TEKT5: variants seen among roughly 807,000 people sequenced by gnomAD.
TEKT5 encodes the protein tektin-5.
Under a neutral mutation model 48.7 loss-of-function variants are expected in TEKT5, and 52 were observed. That is an observed-to-expected ratio of 1.07 (90% CI 0.86 to 1.35). The LOEUF is 1.35. Among genes scored for constraint, TEKT5 ranks in the 40% most tolerant of loss-of-function variants. The pLI, the probability that TEKT5 is intolerant of heterozygous loss-of-function variation, is 0.00. For missense variants in TEKT5, 831 were observed against 641.6 expected, an observed-to-expected ratio of 1.30 and a Z score of -3.19; for synonymous variants, 318 against 267.6, an observed-to-expected ratio of 1.19 and a Z score of -1.84.
At chr16:10,679,184 A>C (rs538053516) in intron 4 of TEKT5, among the ~76,000 whole-genome samples, 2 of 152,258 alleles carry the variant, frequency 1.3e-5, no homozygotes, top group African/African-American at 4.8e-5. Flanking sequence ...AAAAATGTTT[A>C]TTATTCATGA....
At chr16:10,633,511 C>A (rs1181786420) in intron 6 of TEKT5, among the ~76,000 whole-genome samples, 1 of 152,122 alleles carries the variant, frequency 6.6e-6, no homozygotes, top group African/African-American at 2.4e-5. Flanking sequence ...AGGACCTAGA[C>A]CCTATCCATC....
At chr16:10,655,446 G>T (rs187902478) in intron 5 of TEKT5, among the ~76,000 whole-genome samples, 12 of 152,136 alleles carry the variant, frequency 7.9e-5, no homozygotes, top group African/African-American at 2.9e-4. Flanking sequence ...TATTTTTAAG[G>T]CCTGCCATAT....
intron 4 of TEKT5, among the ~76,000 whole-genome samples, chr16:10,679,350 G>C (rs754437991): frequency 3.3e-5 from 5 of 151,382 alleles, no homozygotes; most frequent in Non-Finnish European, 7.4e-5. Flanking sequence ...CCAGCTACTC[G>C]GGAGGCTGAG....
chr16:10,638,776 T>C (rs1055902215), intron 5 of TEKT5, among the ~76,000 whole-genome samples: 3 of 152,164 alleles, frequency 2.0e-5, no homozygotes, highest in Non-Finnish European at 4.4e-5. Context: ...CCATAATTAA[T>C]GAAGAGGATA....
chr16:10,649,006 A>T (rs1898112634), intron 5 of TEKT5, among the ~76,000 whole-genome samples: 1 of 151,208 alleles, frequency 6.6e-6, no homozygotes. Flanking sequence ...CTGGAGTGCA[A>T]TGGCATGATC....
Position 10,689,237 on chromosome 16 carries a change from A to C in TEKT5, c.719+16T>G. On this transcript the variant is annotated intron_variant, in intron 3 of 6. Coordinates refer to ENST00000283025, the MANE Select transcript of TEKT5 (RefSeq NM_144674.2). ...AACCCCAAGGAGAGGGAATTAAAAA[A>C]AAAAAAAGCCCTTACCGCATCTGGA... 6.3e-7 allele frequency: 1 copy of C among 1,587,742 alleles called. No homozygotes were observed. The highest frequency in any genetic ancestry group is 8.5e-7 in the Non-Finnish European group (1 of 1,172,680).
chr16:10,627,847 T>A, intron 6 of TEKT5, 48 bp from the exon 7 acceptor site: 2 of 1,547,934 alleles, frequency 1.3e-6, no homozygotes, highest in Non-Finnish European at 1.8e-6. Flanking sequence ...TTTATTTTTA[T>A]TTGTTTATTT....
chr16:10,651,742 C>G (rs1898163308), intron 5 of TEKT5, among the ~76,000 whole-genome samples: 1 of 152,070 alleles, frequency 6.6e-6, no homozygotes, highest in Non-Finnish European at 1.5e-5. Context: ...GGAGGATCAC[C>G]TGAGATCAGG....
chr16:10,664,192 G>T (rs149575057), intron 5 of TEKT5, among the ~76,000 whole-genome samples: 2 of 152,256 alleles, frequency 1.3e-5, no homozygotes, highest in East Asian at 3.9e-4. Context: ...CAGAGATCTT[G>T]TCTGTTGTTC....
chr16:10,694,815 C>CCA lies in TEKT5; in HGVS notation c.57_58dup (p.Gly20ValfsTer3). 1.9e-6 allele frequency: 3 copies of CCA among 1,607,546 alleles called. No individual in the cohort carries two copies. The highest frequency in any genetic ancestry group is 2.5e-6 in the Non-Finnish European group (3 of 1,177,056). The stretch of plus-strand genomic sequence containing the variant: ...CTGTACAGCTGGCAGTGAGGTCAAG[C>CCA]CACAGCATTTCTTGGGACCACAGTA... On this transcript the variant is annotated frameshift_variant, in exon 1 of 7. Transcript: ENST00000283025. LOFTEE classifies it high-confidence loss of function.
chr16:10,665,370 G>A (rs1308106735), intron 5 of TEKT5, among the ~76,000 whole-genome samples: 1 of 152,196 alleles, frequency 6.6e-6, no homozygotes, highest in African/African-American at 2.4e-5. Flanking sequence ...GCATATGATT[G>A]GCTGTCACCA....
intron 5 of TEKT5, among the ~76,000 whole-genome samples, chr16:10,655,601 C>G (rs985924638): frequency 1.3e-5 from 2 of 152,322 alleles, no homozygotes; most frequent in East Asian, 3.9e-4. Context: ...TCCAGGCTCC[C>G]TTGTAGCTCC....
intron 5 of TEKT5, among the ~76,000 whole-genome samples, chr16:10,655,283 C>T (rs760527900): frequency 7.9e-5 from 12 of 152,258 alleles, no homozygotes; most frequent in South Asian, 4.1e-4. Flanking sequence ...CCAGTCTAAA[C>T]GGAGGGAGTG....
At chr16:10,687,690 T>G (rs746077633) in intron 3 of TEKT5, among the ~76,000 whole-genome samples, 112 of 152,326 alleles carry the variant, frequency 7.4e-4, no homozygotes, top group Middle Eastern at 3.4e-3. Flanking sequence ...GAGGTGGAGG[T>G]TGCAGTGAGC....
rs750682811 is a variant in TEKT5 at position 10,676,142 on chromosome 16, G to A, written c.903C>T (p.Asp301=). 5.6e-6 allele frequency: 9 copies of A among 1,614,118 alleles called. No homozygotes were observed. In the South Asian group the frequency reaches 6.6e-5, roughly 12 times the overall value. The change falls in exon 5 of 7, where the codon GAC becomes GAT. Residue 301 remains aspartate, a synonymous_variant. Transcript: ENST00000283025. ...VPETWAKFSN[D]NIKHSQNMRA... ...GCATGTTCTGAGAGTGTTTGATGTTGTCGTTACTGAACTTGGCCCAGGTCT... is the reference window on the plus strand; with the variant it reads ...GCATGTTCTGAGAGTGTTTGATGTTATCGTTACTGAACTTGGCCCAGGTCT...
Position 10,627,779 on chromosome 16 carries a change from G to C in TEKT5, c.1262C>G (p.Thr421Ser). The change falls in exon 7 of 7, where the codon ACC (threonine) becomes AGC (serine). Residue 421 changes from threonine (T) to serine (S), a missense_variant. Physicochemically the swap from Thr to Ser is moderately conservative, Grantham distance 58 (BLOSUM62 1). Transcript: ENST00000283025. The part of the protein sequence containing the change: ...PQLKLVNEVF[T>S]IDDTLQTLKL... ...GAGGGTCTGCAGGGTGTCGTCGATG[G>C]TGAACACCTCGTTCACCAGCCTGGG... The C allele has an allele frequency of 1.9e-6, 3 of 1,614,166 alleles. No homozygotes were observed. The highest frequency in any genetic ancestry group is 2.5e-6 in the Non-Finnish European group (3 of 1,180,036).
chr16:10,684,846 G>C (rs910180694), intron 3 of TEKT5, among the ~76,000 whole-genome samples: 4 of 152,204 alleles, frequency 2.6e-5, no homozygotes, highest in Admixed American at 2.0e-4. Flanking sequence ...TTCTCTATCA[G>C]GAAGAGCCTT....
At chr16:10,632,072 TC>T (rs1897848133) in intron 6 of TEKT5, among the ~76,000 whole-genome samples, 1 of 152,008 alleles carries the variant, frequency 6.6e-6, no homozygotes, top group Non-Finnish European at 1.5e-5. Context: ...TGGGTGAACT[TC>T]CCCATGGGAA....
intron 1 of TEKT5, chr16:10,690,534 A>G: frequency 1.0e-6 from 1 of 978,664 alleles, no homozygotes. Context: ...TCACAGGTTC[A>G]TTGTGCAGGT....
Sources: allele counts gnomAD v4.1 joint callset (sites outside exome capture counted in the v4.1 genomes callset), GRCh38; gene constraint gnomAD v4.1.1; transcripts MANE v1.5; gene names NCBI Gene and HGNC (gene_info 2026-07-23, HGNC 2026-07-21).